The following MEIG1 variants were observed in gnomAD, a reference collection of about 807,000 sequenced individuals.
MEIG1 encodes meiosis/spermiogenesis associated 1, also known as meiosis expressed gene 1 protein homolog.
A neutral mutation model predicts 11.3 loss-of-function variants in MEIG1; 12 were observed. The ratio of observed to expected loss-of-function variants is 1.07; its 90% CI spans 0.68 to 1.73. MEIG1 has a LOEUF of 1.73. Ranked by LOEUF, MEIG1 falls within the 40% of genes most tolerant of loss-of-function variation. The probability of loss-of-function intolerance (pLI) is 0.00; values close to 1 mark genes in which losing one functional copy is unlikely to be tolerated. For synonymous variants in MEIG1, 41 were observed against 33.2 expected (o/e 1.24, Z -0.81); for missense variants, 119 against 104.9 (o/e 1.13, Z -0.59).
rs562701243 is a variant in MEIG1, at chr10:14,978,644, G to A, written n.66+6024G>A. 5.9e-4 allele frequency among the ~76,000 whole-genome samples: 89 copies of A among 152,050 alleles called. 1 individual carries two copies. The highest frequency in any genetic ancestry group is 8.8e-4 in the Non-Finnish European group (60 of 67,948). Reference sequence around the variant, plus strand: ...GGTTGTGTTCGCTGCGATAGTATTCGTAGTCTCCTAGACGGATGTTACACC... The same window carrying A: ...GGTTGTGTTCGCTGCGATAGTATTCATAGTCTCCTAGACGGATGTTACACC... On this transcript the variant is annotated intron_variant and non_coding_transcript_variant, in intron 1 of 2. Transcript: ENST00000467536.
chr10:14,968,053 T>C (rs957751584), intron 2 of MEIG1, among the ~76,000 whole-genome samples: 1 of 152,216 alleles, frequency 6.6e-6, no homozygotes. Flanking sequence ...ATTATAACAG[T>C]GTTTATTAAC....
chr10:14,977,724 C>A (rs966122419), downstream of MEIG1, among the ~76,000 whole-genome samples: 2 of 151,932 alleles, frequency 1.3e-5, no homozygotes, highest in African/African-American at 4.8e-5. Context: ...CTTCTAGTAA[C>A]CCACAGAGGG....
intron 1 of MEIG1, among the ~76,000 whole-genome samples, chr10:14,982,912 A>G (rs1262481329): frequency 3.9e-5 from 6 of 152,162 alleles, no homozygotes; most frequent in Admixed American, 3.9e-4. Flanking sequence ...CTTATTCATT[A>G]GAAAACAGTC....
At chr10:14,981,193 C>T (rs1843259229) in intron 1 of MEIG1, among the ~76,000 whole-genome samples, 1 of 148,832 alleles carries the variant, frequency 6.7e-6, no homozygotes, top group African/African-American at 2.6e-5. Context: ...GTCTTCCGCC[C>T]GTACTCTTGG....
At chr10:14,976,267 A>G (rs190084029), downstream of MEIG1, among the ~76,000 whole-genome samples, 1 of 152,268 alleles carries the variant, frequency 6.6e-6, no homozygotes, top group East Asian at 1.9e-4. Flanking sequence ...ACCCTGCTGC[A>G]TTATTCATAA....
intron 1 of MEIG1, among the ~76,000 whole-genome samples, chr10:14,979,436 G>A (rs116952731): frequency 0.041 from 6,185 of 151,818 alleles, 204 homozygotes; most frequent in Middle Eastern, 0.14. Flanking sequence ...CAATATACTA[G>A]CGGGATACTA....
downstream of MEIG1, among the ~76,000 whole-genome samples, chr10:14,976,516 T>C (rs1306154993): frequency 6.6e-6 from 1 of 151,986 alleles, no homozygotes; most frequent in East Asian, 1.9e-4. Flanking sequence ...TGTCACAGGG[T>C]TTGTACACCT....
intron 1 of MEIG1, among the ~76,000 whole-genome samples, chr10:14,961,845 T>G (rs1299968630): frequency 6.6e-6 from 1 of 151,742 alleles, no homozygotes; most frequent in Non-Finnish European, 1.5e-5. Context: ...CTCATTCTTG[T>G]CTCCCAGGCT....
chr10:14,982,481 T>G (rs1179162292), intron 1 of MEIG1, among the ~76,000 whole-genome samples: 1 of 152,198 alleles, frequency 6.6e-6, no homozygotes, highest in African/African-American at 2.4e-5. Context: ...GTTGTGGGTC[T>G]GGATAACAGT....
At chr10:14,969,447 CAA>C (rs60562557) in intron 2 of MEIG1, among the ~76,000 whole-genome samples, 13 of 115,104 alleles carry the variant, frequency 1.1e-4, no homozygotes, top group South Asian at 2.8e-4. Flanking sequence ...GACCCTGTCT[CAA>C]AAAAAAAAAA....
rs749785334 is a variant in MEIG1 at position 14,972,583 on chromosome 10, A to G, written c.209A>G (p.Asn70Ser). 4 of 1,613,876 alleles carry G rather than the reference A, an allele frequency of 2.5e-6. 1 individual carries two copies. The South Asian group carries it at 4.4e-5, about 18-fold the overall frequency. ...QRRDNTFYYY[N>S]KQRECDDKEV... is the part of the protein sequence containing the mutation. ...AGGGACAATACGTTCTATTACTACA[A>G]CAAACAGAGGGAATGTGATGACAAA... is the stretch of plus-strand genomic sequence containing the variant. The change falls in exon 3 of 3, where the codon AAC (asparagine) becomes AGC (serine). Residue 70 changes from asparagine (N) to serine (S), a missense_variant. Physicochemically the swap from Asn to Ser is conservative, Grantham distance 46. Transcript: ENST00000407572.
intron 1 of MEIG1, among the ~76,000 whole-genome samples, 186 bp from the exon 2 acceptor site, chr10:14,966,254 G>T (rs1206951813): frequency 6.6e-6 from 1 of 151,698 alleles, no homozygotes; most frequent in Non-Finnish European, 1.5e-5. Flanking sequence ...AGCAGAGACG[G>T]TGTTTCACCA....
chr10:14,961,339 G>A (rs1843010163), intron 1 of MEIG1, among the ~76,000 whole-genome samples: 1 of 152,208 alleles, frequency 6.6e-6, no homozygotes, highest in Non-Finnish European at 1.5e-5. Flanking sequence ...GGAGATATGA[G>A]TTGAACCATT....
chr10:14,976,491 G>A (rs1589213763), downstream of MEIG1, among the ~76,000 whole-genome samples: 1 of 151,828 alleles, frequency 6.6e-6, no homozygotes, highest in Non-Finnish European at 1.5e-5. Context: ...TATCCTAGAG[G>A]GATGTCACCT....
intron 1 of MEIG1, among the ~76,000 whole-genome samples, chr10:14,964,797 T>TC (rs397761803): frequency 1.3e-5 from 2 of 150,420 alleles, no homozygotes; most frequent in Non-Finnish European, 3.0e-5. Flanking sequence ...TTTTTTTTTT[T>TC]CCTTTTTGAG....
chr10:14,957,519 G>C (rs1842963292), upstream of MEIG1, among the ~76,000 whole-genome samples: 1 of 152,242 alleles, frequency 6.6e-6, no homozygotes, highest in African/African-American at 2.4e-5. Context: ...AGGGTGTTGT[G>C]AGCAAATCTT....
intron 1 of MEIG1, among the ~76,000 whole-genome samples, chr10:14,964,301 C>A (rs1002748737): frequency 2.6e-5 from 4 of 151,908 alleles, no homozygotes; most frequent in East Asian, 1.9e-4. Flanking sequence ...TAGGCTACAT[C>A]TTTCATATTG....
chr10:14,986,446 T>C (rs1166616115), intron 1 of MEIG1, among the ~76,000 whole-genome samples: 1 of 152,250 alleles, frequency 6.6e-6, no homozygotes. Flanking sequence ...CAAGAAATTC[T>C]TGTGAAGTAA....
intron 1 of MEIG1, among the ~76,000 whole-genome samples, chr10:14,963,650 T>G (rs1374419366): frequency 6.6e-6 from 1 of 152,158 alleles, no homozygotes; most frequent in Non-Finnish European, 1.5e-5. Flanking sequence ...GTGTTCCAAA[T>G]TTTACATAAA....
Sources: gnomAD v4.1 joint callset for allele counts (sites outside exome capture counted in the v4.1 genomes callset) on GRCh38, gnomAD v4.1.1 for gene constraint, MANE v1.5 for transcripts, NCBI Gene and HGNC (gene_info 2026-07-23, HGNC 2026-07-21) for gene names.